Variants in STYXL2 observed in about 807,000 individuals in gnomAD.
STYXL2 encodes serine/threonine/tyrosine-interacting-like protein 2.
STYXL2 carries 44 observed loss-of-function variants against 52.4 expected under a neutral mutation model. The ratio of observed to expected loss-of-function variants is 0.84; its 90% CI spans 0.66 to 1.08. STYXL2 has a LOEUF of 1.08. STYXL2 is among the 50% of genes least tolerant of loss of function. STYXL2 has a pLI of 0.00. For missense variants in STYXL2, 1,604 were observed against 1,471.7 expected, an observed-to-expected ratio of 1.09 and a Z score of -1.47; for synonymous variants, 604 against 586.9, an observed-to-expected ratio of 1.03 and a Z score of -0.42.
intron 2 of STYXL2, among the ~76,000 whole-genome samples, chr1:167,107,570 C>T (rs902314876): frequency 2.0e-5 from 3 of 152,218 alleles, no homozygotes; most frequent in African/African-American, 7.2e-5. Flanking sequence ...ATGCAGCAAA[C>T]ACTTGATAGA....
chr1:167,126,032 A>C lies in STYXL2; in HGVS notation c.901A>C (p.Thr301Pro). The C allele has an allele frequency of 6.3e-7, 1 of 1,593,698 alleles. No homozygotes were observed. Among genetic ancestry groups the C allele is most frequent in the Non-Finnish European group, 8.5e-7 (1 of 1,170,332 alleles). The stretch of plus-strand genomic sequence containing the variant: ...AGCTGAGGCTGAGGAGGGCGAGGGC[A>C]CTGGGAGCATGCTCGGGGCCAGAGT... ...GSAEAEEGEG[T>P]GSMLGARVHA... Residue 301 changes from threonine to proline, a missense_variant, in exon 6 of 6, where the codon ACT becomes CCT. Thr to Pro is a conservative substitution (Grantham distance 38). Transcript: ENST00000361200.
intron 5 of STYXL2, among the ~76,000 whole-genome samples, chr1:167,123,138 G>C (rs1667892616): frequency 6.6e-6 from 1 of 152,174 alleles, no homozygotes; most frequent in South Asian, 2.1e-4. Flanking sequence ...GATGTGAAGA[G>C]GCCCCCTAGA....
chr1:167,110,878 T>C (rs1232212798), intron 2 of STYXL2, among the ~76,000 whole-genome samples: 1 of 152,230 alleles, frequency 6.6e-6, no homozygotes, highest in African/African-American at 2.4e-5. Flanking sequence ...AACTTTATTA[T>C]AAAAACCTCA....
intron 2 of STYXL2, among the ~76,000 whole-genome samples, chr1:167,097,746 C>G (rs1268389348): frequency 1.3e-5 from 2 of 151,136 alleles, no homozygotes; most frequent in African/African-American, 4.9e-5. Context: ...TAGATTTAAG[C>G]TCAAATATAT....
In STYXL2 at chr1:167,127,394, A is replaced by G. The variant is rs1466385934; in HGVS notation, c.2263A>G (p.Lys755Glu). 1 of 1,614,148 alleles carries G rather than the reference A, an allele frequency of 6.2e-7. No homozygotes were observed. Among genetic ancestry groups the G allele is most frequent in the African/African-American group, 1.3e-5 (1 of 75,042 alleles). ...LSRSPSVASM[K>E]AVPAASCLGD... ...CCGCTCACCGTCTGTTGCAAGCATG[A>G]AGGCAGTACCAGCGGCTAGCTGCCT... The change falls in exon 6 of 6, where the codon AAG becomes GAG. Residue 755 changes from lysine (K) to glutamate (E), a missense_variant. Physicochemically the swap from Lys to Glu is moderately conservative, Grantham distance 56. Transcript: ENST00000361200.
At chr1:167,115,613 A>C (rs12145299) in intron 3 of STYXL2, among the ~76,000 whole-genome samples, 12,474 of 152,230 alleles carry the variant, frequency 0.082, 592 homozygotes, top group East Asian at 0.16. Flanking sequence ...CCCACTTTTT[A>C]TATGTAGTAA....
chr1:167,119,553 G>T, intron 5 of STYXL2, 87 bp downstream of exon 5: 1 of 1,117,810 alleles, frequency 8.9e-7, no homozygotes, highest in Non-Finnish European at 1.3e-6. Flanking sequence ...ATTAGTTGGC[G>T]TGTGTGAGGG....
Position 167,128,038 on chromosome 1 carries a change from G to C in STYXL2, c.2907G>C (p.Arg969Ser). The change falls in exon 6 of 6, where the codon AGG becomes AGC. Residue 969 changes from arginine to serine, a missense_variant. Transcript: ENST00000361200. The stretch of plus-strand genomic sequence containing the variant: ...AGTACACCAGATCGTCCCTGCTCAG[G>C]GAGACAGAGTCTAAATCCTCCAGTT... ...RGKYTRSSLLRETESKSSSYK... is the reference protein window; with the variant it reads ...RGKYTRSSLLSETESKSSSYK... The C allele has an allele frequency of 6.2e-7, 1 of 1,614,170 alleles. No homozygotes were observed. The highest frequency in any genetic ancestry group is 8.5e-7 in the Non-Finnish European group (1 of 1,180,032).
At chr1:167,097,590 G>T (rs2102219389) in intron 2 of STYXL2, among the ~76,000 whole-genome samples, 1 of 151,800 alleles carries the variant, frequency 6.6e-6, no homozygotes, top group Admixed American at 6.6e-5. Flanking sequence ...CTCATGAAGG[G>T]TGGATAAAAT....
rs1302245883 is a variant in STYXL2 at position 167,128,717 on chromosome 1, A to G, written c.*109A>G. On this transcript the variant is annotated 3_prime_UTR_variant, in exon 6 of 6. Transcript: ENST00000361200. ...GATGAGGATACAGAGAGGATCTTCC[A>G]GAGGGGCAGAGCCAAAATGAGAGGT... 6.9e-7 allele frequency: 1 copy of G among 1,445,454 alleles called. No individual in the cohort carries two copies. The highest frequency in any genetic ancestry group is 1.4e-5 in the African/African-American group (1 of 70,138). The allele number at this position is 1,445,454 out of a possible 1,614,324, so 89.5% of individuals were successfully genotyped here.
At chr1:167,117,303 T>C in intron 3 of STYXL2, 25 bp from the exon 4 acceptor site, 1 of 1,570,990 alleles carries the variant, frequency 6.4e-7, no homozygotes, top group South Asian at 1.2e-5. Context: ...AACTCTCTGA[T>C]GAGAATGCTG....
chr1:167,113,955 A>G (rs1667671950), intron 3 of STYXL2, 151 bp downstream of exon 3: 2 of 676,942 alleles, frequency 3.0e-6, no homozygotes, highest in African/African-American at 1.8e-5. Context: ...TGCCAACCCT[A>G]CCTCCTCAAC....
intron 2 of STYXL2, among the ~76,000 whole-genome samples, chr1:167,107,370 G>A (rs1231627016): frequency 6.6e-6 from 1 of 152,094 alleles, no homozygotes; most frequent in Non-Finnish European, 1.5e-5. Flanking sequence ...ACCTCTCTAG[G>A]CAAAGAGTAT....
At position 167,126,105 on chromosome 1, in the gene STYXL2, G is replaced by A. The variant is rs747123131; in HGVS notation, c.974G>A (p.Ser325Asn). ...EEEDDSASHL[S>N]GSSLGKATQA... ...GAGGACGACAGCGCCAGCCACCTGAGTGGCTCCTCCCTGGGGAAGGCCACC... is the reference window on the plus strand; with the variant it reads ...GAGGACGACAGCGCCAGCCACCTGAATGGCTCCTCCCTGGGGAAGGCCACC... Residue 325 changes from serine to asparagine, a missense_variant, in exon 6 of 6, where the codon AGT becomes AAT. Ser to Asn is a conservative substitution (Grantham distance 46). Coordinates refer to ENST00000361200, the MANE Select transcript of STYXL2 (RefSeq NM_001080426.3). The A allele has an allele frequency of 6.6e-7, 1 of 1,519,574 alleles. No individual in the cohort carries two copies. Among genetic ancestry groups the A allele is most frequent in the Non-Finnish European group, 8.8e-7 (1 of 1,136,108 alleles). The allele number at this position is 1,519,574 out of a possible 1,614,324, so 94.1% of individuals were successfully genotyped here. A position where few individuals can be genotyped will look rare whatever the true frequency, so the allele number is the denominator to read the frequency against.
rs569074496 is a variant in STYXL2 at position 167,102,322 on chromosome 1, A to G, written c.110+7363A>G. On this transcript the variant is annotated intron_variant, in intron 2 of 5. Coordinates refer to ENST00000361200, the MANE Select transcript of STYXL2 (RefSeq NM_001080426.3). ...TTTTAAAAATATATATATATATAAA[A>G]GATAAATAAAACCCTCTTTTAGGAG... 2.6e-5 allele frequency among the ~76,000 whole-genome samples: 4 copies of G among 151,694 alleles called. No individual in the cohort carries two copies. In the South Asian group the frequency reaches 8.3e-4, roughly 31 times the overall value.
At chr1:167,106,171 C>T (rs890739763) in intron 2 of STYXL2, among the ~76,000 whole-genome samples, 2 of 152,146 alleles carry the variant, frequency 1.3e-5, no homozygotes, top group Non-Finnish European at 2.9e-5. Flanking sequence ...TTAAAGTCAA[C>T]GTTATTTAGG....
intron 2 of STYXL2, among the ~76,000 whole-genome samples, chr1:167,113,377 A>C (rs12118958): frequency 1.3e-5 from 2 of 152,126 alleles, no homozygotes; most frequent in African/African-American, 2.4e-5. Flanking sequence ...CAAAATTTTT[A>C]AAATGAGCAG....
At chr1:167,112,458 C>G (rs564744538) in intron 2 of STYXL2, among the ~76,000 whole-genome samples, 2 of 152,214 alleles carry the variant, frequency 1.3e-5, no homozygotes, top group Admixed American at 1.3e-4. Flanking sequence ...TTCAGCTCAT[C>G]GGGATTCTGC....
Position 167,126,565 on chromosome 1 carries a change from C to T in STYXL2, c.1434C>T (p.Asp478=), listed in dbSNP as rs1360612581. 5 of 1,613,816 alleles carry T rather than the reference C, an allele frequency of 3.1e-6. No homozygotes were observed. The highest frequency in any genetic ancestry group is 4.2e-6 in the Non-Finnish European group (5 of 1,179,992). The stretch of plus-strand genomic sequence containing the variant: ...CGATGTCCTCGGAGAGCACCTGGGA[C>T]GCATGGAACGAGAGGCTGCTGGAGA... The part of the protein sequence containing the change: ...ADSMSSESTW[D]AWNERLLEIE... Residue 478 remains aspartate (D), a synonymous_variant, in exon 6 of 6, where the codon GAC becomes GAT. Coordinates refer to ENST00000361200, the MANE Select transcript of STYXL2 (RefSeq NM_001080426.3).
Sources: gnomAD v4.1 joint callset for allele counts (sites outside exome capture counted in the v4.1 genomes callset) on GRCh38, gnomAD v4.1.1 for gene constraint, MANE v1.5 for transcripts, NCBI Gene and HGNC (gene_info 2026-07-23, HGNC 2026-07-21) for gene names.